The following PKD1L1 variants were observed in gnomAD, a reference collection of about 807,000 sequenced individuals.
The protein encoded by PKD1L1 is polycystin-1-like protein 1.
In PKD1L1, 236 loss-of-function variants were observed where a neutral mutation model predicts 323.4. The observed-to-expected ratio is 0.73, with a 90% confidence interval of 0.66 to 0.81. The LOEUF (loss-of-function observed/expected upper bound fraction) is 0.81. Ranked by LOEUF, PKD1L1 falls within the 40% of genes least tolerant of loss-of-function variation. PKD1L1 has a pLI of 0.00. For missense variants in PKD1L1, 3,320 were observed against 3,508.0 expected (o/e 0.95, Z 1.35); for synonymous variants, 1,344 against 1,335.0 (o/e 1.01, Z -0.15).
chr7:47,853,783 A>C (rs1211397136), intron 30 of PKD1L1, among the ~76,000 whole-genome samples: 2 of 148,432 alleles, frequency 1.3e-5, no homozygotes, highest in African/African-American at 4.9e-5. Flanking sequence ...AAAAAAAAAA[A>C]ACACCAAAAA....
intron 46 of PKD1L1, among the ~76,000 whole-genome samples, chr7:47,817,261 T>C (rs1011938843): frequency 5.3e-5 from 8 of 151,916 alleles, no homozygotes; most frequent in African/African-American, 1.9e-4. Flanking sequence ...AAAAAAACCA[T>C]GGTGGGAGGA....
chr7:47,830,439 T>C (rs1029254798), intron 42 of PKD1L1, among the ~76,000 whole-genome samples: 4 of 152,160 alleles, frequency 2.6e-5, no homozygotes, highest in East Asian at 1.9e-4. Context: ...ATAATAATAA[T>C]AGCAGCAACA....
intron 46 of PKD1L1, chr7:47,818,214 G>A (rs374544222): frequency 8.1e-6 from 11 of 1,351,310 alleles, no homozygotes; most frequent in South Asian, 5.9e-5. Context: ...ATACATCTCT[G>A]CAAATATTCA....
Position 47,940,387 on chromosome 7 carries a change from G to A in PKD1L1, c.161-70C>T, listed in dbSNP as rs890526418. On this transcript the variant is annotated intron_variant, in intron 2 of 56. Transcript: ENST00000289672. ...CTGGGAAGGTGAGAACATAAAGCTG[G>A]AGAAGCCCTAAGTTATACATAAGGT... 7.8e-6 allele frequency: 12 copies of A among 1,539,380 alleles called. No individual in the cohort carries two copies. The African/African-American group carries it at 1.5e-4, about 20-fold the overall frequency.
chr7:47,914,584 G>A (rs1365810418), intron 8 of PKD1L1, among the ~76,000 whole-genome samples: 1 of 152,194 alleles, frequency 6.6e-6, no homozygotes, highest in Admixed American at 6.5e-5. Context: ...GGGTAAAACA[G>A]GGTTATGTTT....
chr7:47,782,566 T>C (rs1237632991), intron 56 of PKD1L1, among the ~76,000 whole-genome samples: 1 of 152,188 alleles, frequency 6.6e-6, no homozygotes, highest in African/African-American at 2.4e-5. Flanking sequence ...TCCCAGAGAT[T>C]TGTATAACCT....
intron 9 of PKD1L1, among the ~76,000 whole-genome samples, chr7:47,907,046 G>A (rs1240950471): frequency 6.6e-6 from 1 of 152,176 alleles, no homozygotes; most frequent in African/African-American, 2.4e-5. Flanking sequence ...CTGGCTAGAC[G>A]TGCTGCTTAT....
chr7:47,927,419 C>A (rs971721130), intron 7 of PKD1L1, among the ~76,000 whole-genome samples: 1 of 152,134 alleles, frequency 6.6e-6, no homozygotes, highest in Admixed American at 6.5e-5. Context: ...GGGCGCGCCA[C>A]CACGCCCAGC....
chr7:47,827,839 C>A (rs543920743), intron 44 of PKD1L1, among the ~76,000 whole-genome samples: 1 of 152,272 alleles, frequency 6.6e-6, no homozygotes, highest in South Asian at 2.1e-4. Flanking sequence ...ATGAAAAAAT[C>A]ATTTTAAAGT....
chr7:47,820,898 C>T (rs146375301), intron 46 of PKD1L1, among the ~76,000 whole-genome samples, 178 bp downstream of exon 46: 7 of 152,266 alleles, frequency 4.6e-5, no homozygotes, highest in African/African-American at 1.2e-4. Context: ...TTACCCCAAA[C>T]GAGATGCTAA....
intron 1 of PKD1L1, among the ~76,000 whole-genome samples, chr7:47,945,206 G>C (rs1478835747): frequency 1.3e-5 from 2 of 152,194 alleles, no homozygotes; most frequent in Non-Finnish European, 2.9e-5. Flanking sequence ...AGCTGCTAAA[G>C]GTGTTCGCCT....
intron 8 of PKD1L1, among the ~76,000 whole-genome samples, chr7:47,911,650 T>C (rs1481069838): frequency 1.3e-5 from 2 of 152,230 alleles, no homozygotes; most frequent in Non-Finnish European, 2.9e-5. Flanking sequence ...TTTTCTCTCT[T>C]TGTTTAGTGA....
chr7:47,942,995 A>T (rs916741933), intron 2 of PKD1L1, among the ~76,000 whole-genome samples: 69 of 151,840 alleles, frequency 4.5e-4, no homozygotes, highest in African/African-American at 1.5e-3. Flanking sequence ...AAATACAAAA[A>T]ATTAGCTGGG....
chr7:47,958,978 T>C, the PKD1L1 span, among the ~76,000 whole-genome samples: 2 of 152,010 alleles, frequency 1.3e-5, no homozygotes, highest in African/African-American at 2.4e-5. Context: ...CGCGCCACCA[T>C]GCCTGACTGG....
intron 41 of PKD1L1, among the ~76,000 whole-genome samples, chr7:47,831,983 G>T (rs1217207972): frequency 2.6e-5 from 4 of 152,184 alleles, no homozygotes; most frequent in African/African-American, 7.2e-5. Flanking sequence ...GGACCAGAAG[G>T]TTGCCCCATA....
intron 45 of PKD1L1, among the ~76,000 whole-genome samples, chr7:47,824,607 T>G (rs1785206992): frequency 6.6e-6 from 1 of 152,224 alleles, no homozygotes; most frequent in African/African-American, 2.4e-5. Flanking sequence ...TAACTATTAT[T>G]ATTTCCTAAA....
intron 8 of PKD1L1, among the ~76,000 whole-genome samples, chr7:47,914,712 C>T (rs1248772970): frequency 6.6e-6 from 1 of 152,132 alleles, no homozygotes; most frequent in Non-Finnish European, 1.5e-5. Flanking sequence ...GTTTTCCTTT[C>T]TCTCCCCTTC....
rs142915714 is a variant in PKD1L1 at position 47,813,643 on chromosome 7, G to A, written c.7173+288C>T. The A allele has an allele frequency of 4.4e-4, 293 of 667,126 alleles. 2 individuals are homozygous for A. The African/African-American group carries it at 4.7e-3, about 11-fold the overall frequency. The allele number at this position is 667,126 out of a possible 1,614,324, so 41.3% of individuals were successfully genotyped here. On this transcript the variant is annotated intron_variant, in intron 48 of 56. Transcript: ENST00000289672. Reference sequence around the variant, plus strand: ...TGAATATTCTATTTTTAGATTGTTTGATTAAAAATCCTAGTTTTGCCTAGA... The same window carrying A: ...TGAATATTCTATTTTTAGATTGTTTAATTAAAAATCCTAGTTTTGCCTAGA...
chr7:47,910,826 T>TTTTGTGTGTGTGTGTG (rs762737755), intron 8 of PKD1L1, among the ~76,000 whole-genome samples: 1 of 126,082 alleles, frequency 7.9e-6, no homozygotes, highest in African/African-American at 3.3e-5. Context: ...CCAGCTGATT[T>TTTTGTGTGTGTGTGTG]TGTGTGTGTG....
Sources: gnomAD v4.1 joint callset for allele counts (sites outside exome capture counted in the v4.1 genomes callset) on GRCh38, gnomAD v4.1.1 for gene constraint, MANE v1.5 for transcripts, NCBI Gene and HGNC (gene_info 2026-07-23, HGNC 2026-07-21) for gene names.